INVS: variants seen among roughly 807,000 people sequenced by gnomAD.
INVS encodes inversion of embryo turning homolog.
Under a neutral mutation model 108.8 loss-of-function variants are expected in INVS, and 86 were observed. The ratio of observed to expected loss-of-function variants is 0.79; its 90% CI spans 0.66 to 0.95. The LOEUF (loss-of-function observed/expected upper bound fraction) is 0.95, where lower values mean the gene tolerates loss of function less well. INVS is among the 40% of genes least tolerant of loss of function. INVS has a pLI of 0.00. For missense variants in INVS, 1,169 were observed against 1,297.4 expected, an observed-to-expected ratio of 0.90 and a Z score of 1.52; for synonymous variants, 455 against 473.5, an observed-to-expected ratio of 0.96 and a Z score of 0.51.
chr9:100,114,568 A>AGT (rs573516679), intron 2 of INVS, among the ~76,000 whole-genome samples: 7 of 150,978 alleles, frequency 4.6e-5, no homozygotes, highest in South Asian at 2.1e-4. Context: ...TGCCCAGCTA[A>AGT]GTGTGTGTGT....
intron 3 of INVS, among the ~76,000 whole-genome samples, chr9:100,177,298 G>A (rs186461076): frequency 6.6e-6 from 1 of 152,252 alleles, no homozygotes; most frequent in East Asian, 1.9e-4. Flanking sequence ...CCTGGAAAGG[G>A]GGCTGAAGTC....
intron 3 of INVS, chr9:100,131,028 C>CTGTA (rs1828041338): frequency 6.6e-6 from 1 of 152,102 alleles, no homozygotes; most frequent in South Asian, 2.1e-4. Context: ...TGATAGTGAA[C>CTGTA]TGTATTATGT....
intron 16 of INVS, among the ~76,000 whole-genome samples, chr9:100,299,629 TTTA>T (rs773773221): frequency 9.0e-6 from 1 of 111,010 alleles, no homozygotes; most frequent in African/African-American, 3.7e-5. Flanking sequence ...AGCAGAGCCT[TTTA>T]TTGACACACA....
chr9:100,209,355 A>G (rs1348656333), intron 3 of INVS, among the ~76,000 whole-genome samples: 2 of 152,230 alleles, frequency 1.3e-5, no homozygotes, highest in African/African-American at 4.8e-5. Flanking sequence ...GCTTTAGATC[A>G]GAATCCACCC....
At chr9:100,236,175 C>T (rs986768849) in intron 5 of INVS, among the ~76,000 whole-genome samples, 1 of 152,168 alleles carries the variant, frequency 6.6e-6, no homozygotes, top group Non-Finnish European at 1.5e-5. Flanking sequence ...GTATGCTTCA[C>T]GAAGTTCTCG....
chr9:100,214,259 T>C (rs10989019), intron 3 of INVS, among the ~76,000 whole-genome samples: 29,549 of 152,126 alleles, frequency 0.19, 4,580 homozygotes, highest in African/African-American at 0.44. Context: ...TGTTATCTAT[T>C]TTGACCCATG....
chr9:100,248,750 C>G (rs900841091), intron 8 of INVS, among the ~76,000 whole-genome samples: 1 of 151,962 alleles, frequency 6.6e-6, no homozygotes, highest in African/African-American at 2.4e-5. Context: ...ATCACATTTC[C>G]CCTTTGCCAC....
chr9:100,221,676 C>T (rs1033747224), intron 3 of INVS, among the ~76,000 whole-genome samples: 2 of 151,758 alleles, frequency 1.3e-5, no homozygotes, highest in Non-Finnish European at 2.9e-5. Flanking sequence ...ATATAGACAT[C>T]TTTCTCAGTG....
chr9:100,133,764 T>TACACACACAC (rs147744972), intron 3 of INVS, among the ~76,000 whole-genome samples: 6,378 of 123,704 alleles, frequency 0.052, 311 homozygotes, highest in East Asian at 0.12. Context: ...CTGCCAAAGC[T>TACACACACAC]ACACACACAC....
chr9:100,297,895 T>TC (rs773878204), intron 15 of INVS, 41 bp from the exon 16 acceptor site: 3 of 1,607,292 alleles, frequency 1.9e-6, no homozygotes, highest in African/African-American at 1.3e-5. Flanking sequence ...GCCAAACGTA[T>TC]CCCTGGCCAA....
chr9:100,186,631 A>G (rs1830064249), intron 3 of INVS, among the ~76,000 whole-genome samples: 2 of 151,656 alleles, frequency 1.3e-5, no homozygotes, highest in Admixed American at 1.3e-4. Flanking sequence ...GATGTTTAGC[A>G]TTTTTTCCAG....
At chr9:100,155,834 A>G (rs1828958027) in intron 3 of INVS, among the ~76,000 whole-genome samples, 1 of 152,220 alleles carries the variant, frequency 6.6e-6, no homozygotes, top group Non-Finnish European at 1.5e-5. Flanking sequence ...TGAATATGTC[A>G]ATTTCATTAG....
In INVS at chr9:100,300,557, G is replaced by GT. The variant is rs886044279; in HGVS notation, c.3092-6dup. 1 of 1,536,930 alleles carries GT rather than the reference G, an allele frequency of 6.5e-7. No homozygotes were observed. The highest frequency in any genetic ancestry group is 9.0e-7 in the Non-Finnish European group (1 of 1,109,800). On this transcript the variant is annotated splice_polypyrimidine_tract_variant and intron_variant, in intron 16 of 16. Coordinates refer to ENST00000262457, the MANE Select transcript of INVS (RefSeq NM_014425.5). Reference sequence around the variant, plus strand: ...TAACCTTAATATCTATCTGGTATTTGTTTTTAACAGTGAGCAACCTACAGT... The same window carrying GT: ...TAACCTTAATATCTATCTGGTATTTGTTTTTTAACAGTGAGCAACCTACAGT...
At chr9:100,266,828 A>G (rs1832806907) in intron 11 of INVS, among the ~76,000 whole-genome samples, 1 of 152,074 alleles carries the variant, frequency 6.6e-6, no homozygotes, top group South Asian at 2.1e-4. Context: ...TCCTGCTATA[A>G]TACCATTCCC....
intron 3 of INVS, among the ~76,000 whole-genome samples, chr9:100,213,200 T>TGG (rs34177133): frequency 2.3e-5 from 3 of 127,940 alleles, no homozygotes; most frequent in Non-Finnish European, 3.2e-5. Flanking sequence ...ACACATGAAT[T>TGG]GGGGGGGTTT....
At chr9:100,169,556 A>T (rs1032515042) in intron 3 of INVS, among the ~76,000 whole-genome samples, 1 of 152,196 alleles carries the variant, frequency 6.6e-6, no homozygotes, top group African/African-American at 2.4e-5. Context: ...AAAAAGTATA[A>T]ACTTCTTTAT....
At chr9:100,156,573 C>T (rs1199726874) in intron 3 of INVS, among the ~76,000 whole-genome samples, 4 of 151,982 alleles carry the variant, frequency 2.6e-5, no homozygotes, top group Admixed American at 2.6e-4. Flanking sequence ...TTCAGTTTAA[C>T]TTCCCCTCCT....
At chr9:100,266,895 G>T (rs1022913855) in intron 11 of INVS, among the ~76,000 whole-genome samples, 1 of 151,858 alleles carries the variant, frequency 6.6e-6, no homozygotes, top group Non-Finnish European at 1.5e-5. Flanking sequence ...TTATTGAGAA[G>T]GGACTTCTCT....
intron 3 of INVS, among the ~76,000 whole-genome samples, chr9:100,136,195 T>G (rs1828218720): frequency 6.6e-6 from 1 of 152,106 alleles, no homozygotes; most frequent in African/African-American, 2.4e-5. Flanking sequence ...CACTGTTGAG[T>G]AAACAGGAAA....
Sources: gnomAD v4.1 joint callset for allele counts (sites outside exome capture counted in the v4.1 genomes callset) on GRCh38, gnomAD v4.1.1 for gene constraint, MANE v1.5 for transcripts, NCBI Gene and HGNC (gene_info 2026-07-23, HGNC 2026-07-21) for gene names.